Variants in RPAP2 observed in about 807,000 individuals in gnomAD.
RPAP2 encodes the protein RNA polymerase II associated protein 2, also known as putative RNA polymerase II subunit B1 CTD phosphatase RPAP2.
A neutral mutation model predicts 73.1 loss-of-function variants in RPAP2; 52 were observed. That is an observed-to-expected ratio of 0.71 (90% CI 0.57 to 0.90). The LOEUF (loss-of-function observed/expected upper bound fraction) is 0.90, where lower values mean the gene tolerates loss of function less well. RPAP2 is among the 40% of genes least tolerant of loss of function. The pLI is 0.00. For synonymous variants in RPAP2, 225 were observed against 242.1 expected, an observed-to-expected ratio of 0.93 and a Z score of 0.65; for missense variants, 598 against 701.8, an observed-to-expected ratio of 0.85 and a Z score of 1.67.
At chr1:92,382,614 GTTGT>G (rs1384192694) in intron 12 of RPAP2, among the ~76,000 whole-genome samples, 4 of 152,142 alleles carry the variant, frequency 2.6e-5, no homozygotes, top group African/African-American at 9.7e-5. Flanking sequence ...TTTTGATGGG[GTTGT>G]TTGCTTTTTT....
At chr1:92,318,376 G>A (rs986906889) in intron 6 of RPAP2, among the ~76,000 whole-genome samples, 2 of 152,150 alleles carry the variant, frequency 1.3e-5, no homozygotes, top group African/African-American at 4.8e-5. Flanking sequence ...ACTCACCCAA[G>A]GACACTTAGT....
intron 6 of RPAP2, among the ~76,000 whole-genome samples, chr1:92,319,318 C>T (rs754403642): frequency 6.6e-6 from 1 of 152,218 alleles, no homozygotes; most frequent in Non-Finnish European, 1.5e-5. Context: ...TTCCTGGCTT[C>T]ACCACCTACT....
chr1:92,312,279 T>C (rs1368938740), intron 6 of RPAP2, among the ~76,000 whole-genome samples: 1 of 152,046 alleles, frequency 6.6e-6, no homozygotes, highest in Non-Finnish European at 1.5e-5. Context: ...TAGCTGGGTG[T>C]GGTGGCACAC....
chr1:92,393,279 T>G lies in RPAP2; in HGVS notation c.*6268T>G, dbSNP rs191055478. Reference sequence around the variant, plus strand: ...GTGTTGGGAAAACGGGCTAGCCATATGCAGAAAACTGTAACTGGACCCTTT... The same window carrying G: ...GTGTTGGGAAAACGGGCTAGCCATAGGCAGAAAACTGTAACTGGACCCTTT... On this transcript the variant is annotated 3_prime_UTR_variant, in exon 13 of 13. Transcript: ENST00000610020. The G allele has an allele frequency of 2.0e-5, 3 of 152,328 alleles. No individual in the cohort carries two copies. The allele number at this position is 152,328 out of a possible 1,614,324, so 9.4% of individuals were successfully genotyped here.
At chr1:92,372,566 G>T (rs1655198287) in intron 11 of RPAP2, among the ~76,000 whole-genome samples, 1 of 152,180 alleles carries the variant, frequency 6.6e-6, no homozygotes, top group Non-Finnish European at 1.5e-5. Context: ...GATGCAGAAT[G>T]TGTGGCCTGG....
chr1:92,327,309 C>T (rs1386223604), intron 8 of RPAP2, among the ~76,000 whole-genome samples: 5 of 152,072 alleles, frequency 3.3e-5, no homozygotes, highest in African/African-American at 4.8e-5. Context: ...TCCTAGGTCT[C>T]GTAGTAACTG....
rs1019844041 is a variant in RPAP2 at position 92,396,679 on chromosome 1, T to G, written c.*9668T>G. On this transcript the variant is annotated 3_prime_UTR_variant, in exon 13 of 13. Coordinates refer to ENST00000610020, the MANE Select transcript of RPAP2 (RefSeq NM_024813.3). ...GTGTGAGATGGAGTTTCACTCTTGT[T>G]GCCCAGGCTGGAGTGCAATGGCGCG... 6.6e-6 allele frequency: 1 copy of G among 152,486 alleles called. No homozygotes were observed. The highest frequency in any genetic ancestry group is 1.5e-5 in the Non-Finnish European group (1 of 68,490). The allele number at this position is 152,486 out of a possible 1,614,324, so 9.4% of individuals were successfully genotyped here.
chr1:92,364,389 G>A (rs1449493405), intron 11 of RPAP2, among the ~76,000 whole-genome samples: 3 of 152,164 alleles, frequency 2.0e-5, no homozygotes, highest in Non-Finnish European at 4.4e-5. Flanking sequence ...AGGAAGAAAA[G>A]TAGAGTTACC....
chr1:92,330,979 G>T (rs1652929890), intron 8 of RPAP2, among the ~76,000 whole-genome samples: 1 of 152,152 alleles, frequency 6.6e-6, no homozygotes, highest in African/African-American at 2.4e-5. Context: ...ATTAACATTT[G>T]AGAAGCACTG....
chr1:92,345,437 AAGGGAGGG>A (rs1030616221), intron 10 of RPAP2, among the ~76,000 whole-genome samples: 1 of 133,288 alleles, frequency 7.5e-6, no homozygotes. Flanking sequence ...GGAAGGAAGG[AAGGGAGGG>A]AGGGAGGGAC....
rs1159203728 is a variant in RPAP2 at position 92,398,656 on chromosome 1, G to T, written c.*11645G>T. The T allele has an allele frequency of 6.6e-6, 1 of 152,242 alleles. No individual in the cohort carries two copies. Among genetic ancestry groups the T allele is most frequent in the Non-Finnish European group, 1.5e-5 (1 of 68,072 alleles). The allele number at this position is 152,242 out of a possible 1,614,324, so 9.4% of individuals were successfully genotyped here. A position where few individuals can be genotyped will look rare whatever the true frequency, so the allele number is the denominator to read the frequency against. ...AATGTACCTAGGCAGGCCAGAGTCT[G>T]AGTTAGGACTGGCTCCTGGGACTTT... On this transcript the variant is annotated 3_prime_UTR_variant, in exon 13 of 13. Transcript: ENST00000610020.
At chr1:92,331,647 G>T (rs1371545840) in intron 8 of RPAP2, among the ~76,000 whole-genome samples, 1 of 151,830 alleles carries the variant, frequency 6.6e-6, no homozygotes, top group African/African-American at 2.4e-5. Context: ...TTCTGTTATT[G>T]GATATTTTTA....
chr1:92,360,057 T>G (rs1401321187), intron 11 of RPAP2, among the ~76,000 whole-genome samples: 1 of 152,196 alleles, frequency 6.6e-6, no homozygotes, highest in Non-Finnish European at 1.5e-5. Context: ...AAACATATAC[T>G]TTGCCCAAGG....
At chr1:92,315,589 C>T (rs1651858597) in intron 6 of RPAP2, among the ~76,000 whole-genome samples, 1 of 152,172 alleles carries the variant, frequency 6.6e-6, no homozygotes, top group Non-Finnish European at 1.5e-5. Context: ...TTTTATAATA[C>T]CAAAACCAAA....
chr1:92,318,853 A>G (rs977665363), intron 6 of RPAP2, among the ~76,000 whole-genome samples: 3 of 152,222 alleles, frequency 2.0e-5, no homozygotes, highest in African/African-American at 7.2e-5. Context: ...CCATTTCAGG[A>G]GAGAAATGAG....
At chr1:92,316,122 A>G (rs1223996244) in intron 6 of RPAP2, among the ~76,000 whole-genome samples, 2 of 152,178 alleles carry the variant, frequency 1.3e-5, no homozygotes, top group African/African-American at 4.8e-5. Flanking sequence ...AAGAAGGACA[A>G]ATGTGGAAAA....
At chr1:92,314,988 T>G (rs1029856584) in intron 6 of RPAP2, among the ~76,000 whole-genome samples, 1 of 152,056 alleles carries the variant, frequency 6.6e-6, no homozygotes, top group Non-Finnish European at 1.5e-5. Context: ...GAGGTTGCAG[T>G]GAACCGAGAT....
At position 92,379,670 on chromosome 1, in the gene RPAP2, C is replaced by T. The variant is rs372520176; in HGVS notation, c.1689-1054C>T. On this transcript the variant is annotated intron_variant, in intron 11 of 12. Coordinates refer to ENST00000610020, the MANE Select transcript of RPAP2 (RefSeq NM_024813.3). ...AAAATGTTAGCCAGGCGTGGTGGCTCACGCTTGTAATCCCAGCACTTTGGG... is the reference window on the plus strand; with the variant it reads ...AAAATGTTAGCCAGGCGTGGTGGCTTACGCTTGTAATCCCAGCACTTTGGG... 2.6e-5 allele frequency among the ~76,000 whole-genome samples: 4 copies of T among 151,924 alleles called. No individual in the cohort carries two copies. The South Asian group carries it at 6.2e-4, about 24-fold the overall frequency.
intron 7 of RPAP2, among the ~76,000 whole-genome samples, chr1:92,321,944 C>CTTT (rs529045202): frequency 2.8e-5 from 3 of 106,082 alleles, no homozygotes; most frequent in Non-Finnish European, 4.1e-5. Context: ...AATTTTCTTT[C>CTTT]TTTTTTTTTT....
Sources: gnomAD v4.1 joint callset for allele counts (sites outside exome capture counted in the v4.1 genomes callset) on GRCh38, gnomAD v4.1.1 for gene constraint, MANE v1.5 for transcripts, NCBI Gene and HGNC (gene_info 2026-07-23, HGNC 2026-07-21) for gene names.